Variants in TTLL11 observed in about 807,000 individuals in gnomAD.
TTLL11 encodes tubulin tyrosine ligase like 11, also known as tubulin polyglutamylase TTLL11.
TTLL11 carries 42 observed loss-of-function variants against 51.7 expected under a neutral mutation model. That is an observed-to-expected ratio of 0.81 (90% confidence interval 0.64 to 1.05). The LOEUF (loss-of-function observed/expected upper bound fraction) is 1.05. TTLL11 is among the 50% of genes least tolerant of loss of function. The pLI, the probability that TTLL11 is intolerant of heterozygous loss-of-function variation, is 0.00. For missense variants in TTLL11, 799 were observed against 940.4 expected (o/e 0.85, Z 1.97); for synonymous variants, 381 against 383.5 (o/e 0.99, Z 0.08).
chr9:121,854,778 T>C (rs1303741000), intron 8 of TTLL11, among the ~76,000 whole-genome samples: 1 of 145,910 alleles, frequency 6.9e-6, no homozygotes, highest in East Asian at 2.1e-4. Flanking sequence ...AATAAATGCA[T>C]CTTCACTGAC....
intron 6 of TTLL11, among the ~76,000 whole-genome samples, chr9:121,878,016 G>T (rs1007139638): frequency 5.9e-5 from 9 of 152,308 alleles, no homozygotes; most frequent in African/African-American, 1.9e-4. Context: ...GATGAGAAAA[G>T]TGAGCTTCAG....
At chr9:122,015,807 C>CAAAAA (rs11297849) in intron 3 of TTLL11, among the ~76,000 whole-genome samples, 21 of 94,484 alleles carry the variant, frequency 2.2e-4, no homozygotes, top group African/African-American at 7.5e-4. Flanking sequence ...TCAAAAGAGA[C>CAAAAA]AAAAAAAAAA....
intron 6 of TTLL11, among the ~76,000 whole-genome samples, chr9:121,889,073 C>T (rs1369079371): frequency 1.3e-5 from 2 of 152,062 alleles, no homozygotes; most frequent in African/African-American, 4.8e-5. Flanking sequence ...GCAATAATAT[C>T]TAATACATCG....
chr9:122,065,735 A>G lies in TTLL11; in HGVS notation c.463-26367T>C, dbSNP rs1011764562. Among the ~76,000 whole-genome samples the G allele has an allele frequency of 2.6e-5, 4 of 152,306 alleles. No individual in the cohort carries two copies. In the South Asian group the frequency reaches 8.3e-4, roughly 32 times the overall value. On this transcript the variant is annotated intron_variant, in intron 1 of 8. Transcript: ENST00000321582. Reference sequence around the variant, plus strand: ...GCACATGGGGCTAATGATTACCTCCATCGTAGACTTATTCTGAGGAATAGG... The same window carrying G: ...GCACATGGGGCTAATGATTACCTCCGTCGTAGACTTATTCTGAGGAATAGG...
chr9:121,987,120 T>G (rs990589487), intron 4 of TTLL11, among the ~76,000 whole-genome samples: 3 of 151,976 alleles, frequency 2.0e-5, no homozygotes, highest in African/African-American at 7.3e-5. Context: ...CTAATAAAAG[T>G]ATTTTCAAAA....
At chr9:121,823,065 C>A (rs1183666358) in intron 8 of TTLL11, among the ~76,000 whole-genome samples, 186 bp from the exon 9 acceptor site, 2 of 152,352 alleles carry the variant, frequency 1.3e-5, no homozygotes, top group African/African-American at 4.8e-5. Context: ...CAGGCACTAG[C>A]TGGGCATTTT....
At chr9:121,848,626 TA>T (rs1311951345) in intron 8 of TTLL11, among the ~76,000 whole-genome samples, 2 of 152,068 alleles carry the variant, frequency 1.3e-5, no homozygotes, top group African/African-American at 4.8e-5. Context: ...AATTTGAAAT[TA>T]AAAACATATT....
intron 4 of TTLL11, among the ~76,000 whole-genome samples, chr9:121,975,425 A>G (rs1220572556): frequency 6.6e-6 from 1 of 152,112 alleles, no homozygotes; most frequent in East Asian, 1.9e-4. Context: ...CAAAACCACC[A>G]CATCAGCTGG....
chr9:122,056,214 C>T (rs1047198161), intron 1 of TTLL11, among the ~76,000 whole-genome samples: 7 of 152,162 alleles, frequency 4.6e-5, no homozygotes, highest in African/African-American at 1.7e-4. Context: ...TCATTTGCTC[C>T]TCCTGATCCC....
chr9:122,029,154 A>G (rs1481264431), intron 3 of TTLL11, among the ~76,000 whole-genome samples: 1 of 152,250 alleles, frequency 6.6e-6, no homozygotes, highest in South Asian at 2.1e-4. Flanking sequence ...AAAGTGCAGT[A>G]TAATACAATT....
At chr9:121,888,543 A>G (rs777699416) in intron 6 of TTLL11, among the ~76,000 whole-genome samples, 1 of 152,232 alleles carries the variant, frequency 6.6e-6, no homozygotes, top group Admixed American at 6.5e-5. Flanking sequence ...CAGCAACAGC[A>G]TGGGGCCAGG....
rs539939373 is a variant in TTLL11, at chr9:121,880,919, G to A, written c.1482-10171C>T. On this transcript the variant is annotated intron_variant, in intron 6 of 8. Transcript: ENST00000321582. The stretch of plus-strand genomic sequence containing the variant: ...TGGGTGGTCTGTCTCCACAGCCCAC[G>A]TGTTAAACCCCTGCACTACCCCTGT... Among the ~76,000 whole-genome samples the A allele has an allele frequency of 3.3e-5, 5 of 152,318 alleles. No homozygotes were observed. In the South Asian group the frequency reaches 6.2e-4, roughly 19 times the overall value.
At chr9:121,984,001 A>C (rs944401399) in intron 4 of TTLL11, among the ~76,000 whole-genome samples, 6 of 152,176 alleles carry the variant, frequency 3.9e-5, no homozygotes, top group African/African-American at 1.4e-4. Context: ...AAGGCGTTGA[A>C]GTTCAAGAAA....
chr9:121,970,924 C>T (rs1233585994), intron 6 of TTLL11, among the ~76,000 whole-genome samples: 2 of 152,250 alleles, frequency 1.3e-5, no homozygotes, highest in Non-Finnish European at 2.9e-5. Context: ...GCACTAGTCA[C>T]AATAGCAAAG....
At chr9:121,940,343 C>CTTT in intron 6 of TTLL11, among the ~76,000 whole-genome samples, 1 of 146,594 alleles carries the variant, frequency 6.8e-6, no homozygotes, top group East Asian at 2.0e-4. Context: ...AACTTTCTCT[C>CTTT]TTTTTTTTTT....
At chr9:121,913,423 A>C (rs1003882728) in intron 6 of TTLL11, among the ~76,000 whole-genome samples, 1 of 152,230 alleles carries the variant, frequency 6.6e-6, no homozygotes, top group African/African-American at 2.4e-5. Flanking sequence ...CCACTCTGTC[A>C]GTGTGAAAAT....
chr9:121,979,462 C>T (rs886967172), intron 4 of TTLL11, among the ~76,000 whole-genome samples: 9 of 152,302 alleles, frequency 5.9e-5, no homozygotes, highest in African/African-American at 1.7e-4. Context: ...AACAAATACA[C>T]CATATTTTTC....
chr9:122,089,637 T>G (rs188639233), intron 1 of TTLL11, among the ~76,000 whole-genome samples: 96 of 152,300 alleles, frequency 6.3e-4, no homozygotes, highest in Non-Finnish European at 7.1e-4. Context: ...TGATGAATAT[T>G]TATTGAGCAC....
intron 3 of TTLL11, among the ~76,000 whole-genome samples, chr9:122,014,645 C>T (rs913631443): frequency 6.6e-6 from 1 of 152,084 alleles, no homozygotes; most frequent in South Asian, 2.1e-4. Context: ...ATATAAAGGG[C>T]ACTTAGTAAA....
Sources: gnomAD v4.1 joint callset for allele counts (sites outside exome capture counted in the v4.1 genomes callset) on GRCh38, gnomAD v4.1.1 for gene constraint, MANE v1.5 for transcripts, NCBI Gene and HGNC (gene_info 2026-07-23, HGNC 2026-07-21) for gene names.